The following ATP6V1G3 variants were observed in gnomAD, a reference collection of about 807,000 sequenced individuals.
ATP6V1G3 encodes V-type proton ATPase subunit G 3.
A neutral mutation model predicts 9.3 loss-of-function variants in ATP6V1G3; 9 were observed. The observed-to-expected ratio is 0.97, with a 90% CI of 0.59 to 1.69. ATP6V1G3 has a LOEUF of 1.69. Among genes scored for constraint, ATP6V1G3 ranks in the 40% most tolerant of loss-of-function variants. The pLI is 0.00. For missense variants in ATP6V1G3, 133 were observed against 139.0 expected (o/e 0.96, Z 0.22); for synonymous variants, 43 against 43.8 (o/e 0.98, Z 0.07).
intron 1 of ATP6V1G3, among the ~76,000 whole-genome samples, chr1:198,538,016 G>A (rs557091786): frequency 1.3e-5 from 2 of 152,146 alleles, no homozygotes; most frequent in African/African-American, 4.8e-5. Context: ...TGACCTCAAC[G>A]CCTGTGGCTT....
intron 2 of ATP6V1G3, among the ~76,000 whole-genome samples, chr1:198,524,430 T>G (rs1205880063): frequency 2.0e-5 from 3 of 152,166 alleles, no homozygotes; most frequent in South Asian, 4.1e-4. Context: ...GCTGCCGAAG[T>G]GTGTTTCTTT....
rs974518506 is a variant in ATP6V1G3 at position 198,538,904 on chromosome 1, A to AAAAAAAAAG, written c.82+1664_82+1665insCTTTTTTTT. Reference sequence around the variant, plus strand: ...CAGACCCTGTCTCAAAAAAAAAAAAAAAGAAGAAGAAGAAAAGAAAACCCT... The same window carrying AAAAAAAAAG: ...CAGACCCTGTCTCAAAAAAAAAAAAAAAAAAAAAGAAGAAGAAGAAGAAAAGAAAACCCT... On this transcript the variant is annotated intron_variant, in intron 1 of 2. Coordinates refer to ENST00000367382, the MANE Select transcript of ATP6V1G3 (RefSeq NM_001376861.1). 7.2e-5 allele frequency among the ~76,000 whole-genome samples: 11 copies of AAAAAAAAAG among 151,728 alleles called. No homozygotes were observed. In the East Asian group the frequency reaches 2.1e-3, roughly 29 times the overall value.
intron 1 of ATP6V1G3, chr1:198,536,534 A>T (rs1439452475): frequency 3.5e-6 from 2 of 567,742 alleles, no homozygotes; most frequent in African/African-American, 3.7e-5. Flanking sequence ...AATTTAAAGT[A>T]GTGCAAACTA....
At position 198,529,062 on chromosome 1, in the gene ATP6V1G3, TG is replaced by T; in HGVS notation, c.183+18del. ...CTTATCTATTCTGCATAAGAAACAGTGCTGACTTTCTTACTCACCTTAGATT... is the reference window on the plus strand; with the variant it reads ...CTTATCTATTCTGCATAAGAAACAGTCTGACTTTCTTACTCACCTTAGATT... On this transcript the variant is annotated intron_variant, in intron 2 of 2. Coordinates refer to ENST00000367382, the MANE Select transcript of ATP6V1G3 (RefSeq NM_001376861.1). 8.2e-7 allele frequency: 1 copy of T among 1,212,616 alleles called. No individual in the cohort carries two copies. Among genetic ancestry groups the T allele is most frequent in the Non-Finnish European group, 1.2e-6 (1 of 838,758 alleles). The allele number at this position is 1,212,616 out of a possible 1,614,324, so 75.1% of individuals were successfully genotyped here.
intron 1 of ATP6V1G3, among the ~76,000 whole-genome samples, chr1:198,537,558 T>C (rs1187602624): frequency 6.6e-6 from 1 of 152,200 alleles, no homozygotes; most frequent in African/African-American, 2.4e-5. Context: ...TGTTCACTAT[T>C]GTGACTTCTT....
intron 1 of ATP6V1G3, chr1:198,536,750 G>T: frequency 6.4e-7 from 1 of 1,563,744 alleles, no homozygotes; most frequent in South Asian, 1.1e-5. Context: ...AAAACAAATG[G>T]AATGAGATCA....
At chr1:198,537,452 A>C (rs928568948) in intron 1 of ATP6V1G3, among the ~76,000 whole-genome samples, 6 of 152,034 alleles carry the variant, frequency 3.9e-5, no homozygotes, top group Non-Finnish European at 7.4e-5. Flanking sequence ...AATACACTCA[A>C]GAGTCTTGTT....
At chr1:198,536,818 G>T (rs377759659) in intron 1 of ATP6V1G3, 1 of 975,564 alleles carries the variant, frequency 1.0e-6, no homozygotes, top group South Asian at 1.7e-5. Context: ...AAAAATACAT[G>T]ACATATATTA....
intron 2 of ATP6V1G3, among the ~76,000 whole-genome samples, chr1:198,526,439 C>G (rs1377059740): frequency 6.6e-6 from 1 of 152,082 alleles, no homozygotes; most frequent in African/African-American, 2.4e-5. Context: ...TGATGGAAAC[C>G]TGTTACCTGA....
intron 2 of ATP6V1G3, among the ~76,000 whole-genome samples, chr1:198,528,798 A>G (rs1385412990): frequency 6.6e-6 from 1 of 151,930 alleles, no homozygotes; most frequent in Non-Finnish European, 1.5e-5. Flanking sequence ...ACTTTAAGCA[A>G]TCCCTTCAGC....
chr1:198,533,987 A>G (rs1385936682), intron 1 of ATP6V1G3, among the ~76,000 whole-genome samples: 1 of 152,198 alleles, frequency 6.6e-6, no homozygotes, highest in Non-Finnish European at 1.5e-5. Flanking sequence ...GGAATGAAAC[A>G]TTGTAGACAC....
At chr1:198,525,805 G>A (rs917178005) in intron 2 of ATP6V1G3, among the ~76,000 whole-genome samples, 6 of 152,048 alleles carry the variant, frequency 3.9e-5, no homozygotes, top group Non-Finnish European at 7.4e-5. Context: ...CACCATTTTG[G>A]ACAGTGCAGC....
chr1:198,524,649 T>A (rs909367187), intron 2 of ATP6V1G3, among the ~76,000 whole-genome samples: 1 of 152,184 alleles, frequency 6.6e-6, no homozygotes, highest in Non-Finnish European at 1.5e-5. Context: ...AAAATATAAT[T>A]TCACCAGAGG....
At chr1:198,536,076 C>G (rs1660099679) in intron 1 of ATP6V1G3, among the ~76,000 whole-genome samples, 1 of 151,944 alleles carries the variant, frequency 6.6e-6, no homozygotes, top group Admixed American at 6.6e-5. Flanking sequence ...ATGCTACTTT[C>G]TGCAGCTTCC....
chr1:198,540,547 A>T lies in ATP6V1G3; in HGVS notation c.82+22T>A, dbSNP rs560277796. 6.2e-6 allele frequency: 10 copies of T among 1,605,348 alleles called. 1 individual carries two copies. In the South Asian group the frequency reaches 7.7e-5, roughly 12 times the overall value. On this transcript the variant is annotated intron_variant, in intron 1 of 2. Coordinates refer to ENST00000367382, the MANE Select transcript of ATP6V1G3 (RefSeq NM_001376861.1). ...CACTGCTTTGTTTATTTCGTGACAGACCCCTCACAGGTGAGACTTACTCTT... is the reference window on the plus strand; with the variant it reads ...CACTGCTTTGTTTATTTCGTGACAGTCCCCTCACAGGTGAGACTTACTCTT...
intron 2 of ATP6V1G3, among the ~76,000 whole-genome samples, chr1:198,528,241 T>C (rs1289000328): frequency 2.0e-5 from 3 of 152,132 alleles, no homozygotes; most frequent in Non-Finnish European, 4.4e-5. Flanking sequence ...GGTTTTGTTA[T>C]TATGTGGTCC....
intron 2 of ATP6V1G3, among the ~76,000 whole-genome samples, chr1:198,525,790 G>GTGGTCACCATTT (rs1210641500): frequency 6.6e-6 from 1 of 152,102 alleles, no homozygotes; most frequent in East Asian, 1.9e-4. Flanking sequence ...CACATGTGAA[G>GTGGTCACCATTT]TGGTCACCAT....
At chr1:198,528,322 A>T (rs1490827708) in intron 2 of ATP6V1G3, among the ~76,000 whole-genome samples, 1 of 152,116 alleles carries the variant, frequency 6.6e-6, no homozygotes, top group Non-Finnish European at 1.5e-5. Flanking sequence ...AAGATTTCCA[A>T]ATTGCTAATA....
chr1:198,538,152 C>T (rs1660194484), intron 1 of ATP6V1G3, among the ~76,000 whole-genome samples: 1 of 151,930 alleles, frequency 6.6e-6, no homozygotes. Context: ...TTGAATATCC[C>T]CTTGAATATT....
Sources: gnomAD v4.1 joint callset for allele counts (sites outside exome capture counted in the v4.1 genomes callset) on GRCh38, gnomAD v4.1.1 for gene constraint, MANE v1.5 for transcripts, NCBI Gene and HGNC (gene_info 2026-07-23, HGNC 2026-07-21) for gene names.